Variants in TTLL3 observed in about 807,000 individuals in gnomAD.
TTLL3 encodes the protein tubulin monoglycylase TTLL3.
A neutral mutation model predicts 75.2 loss-of-function variants in TTLL3; 63 were observed. The observed-to-expected ratio is 0.84, with a 90% CI of 0.68 to 1.03. The LOEUF is 1.03. Ranked by LOEUF, TTLL3 falls within the 50% of genes least tolerant of loss-of-function variation. The pLI is 0.00. For synonymous variants in TTLL3, 393 were observed against 418.5 expected (o/e 0.94, Z 0.74); for missense variants, 997 against 1,069.9 (o/e 0.93, Z 0.95).
At chr3:9,830,286 A>G (rs1390324877) in intron 11 of TTLL3, among the ~76,000 whole-genome samples, 5 of 152,248 alleles carry the variant, frequency 3.3e-5, no homozygotes, top group Non-Finnish European at 7.3e-5. Context: ...AATTACTGGT[A>G]GCTACTATTA....
At chr3:9,819,234 C>T in intron 7 of TTLL3, 1 of 358,618 alleles carries the variant, frequency 2.8e-6, no homozygotes, top group Non-Finnish European at 5.2e-6. Flanking sequence ...TACTCCCCAT[C>T]CATCTATCCA....
chr3:9,829,113 C>T lies in TTLL3; in HGVS notation c.1401C>T (p.Ile467=), dbSNP rs1026931471. The T allele has an allele frequency of 2.5e-5, 41 of 1,614,132 alleles. No homozygotes were observed. The highest frequency in any genetic ancestry group is 6.7e-5 in the East Asian group (3 of 44,898). Residue 467 remains isoleucine, a synonymous_variant, in exon 11 of 14, where the codon ATC becomes ATT. Coordinates refer to ENST00000685419, the MANE Select transcript of TTLL3 (RefSeq NM_001387446.1). ...CCCCAAATGCTTGGTCCACCATCAT[C>T]GTGCCTGGCATGAAGGATGCTGTGA... The part of the protein sequence containing the change: ...MGAPNAWSTI[I]VPGMKDAVIH...
chr3:9,832,569 G>A (rs763467172), intron 11 of TTLL3, among the ~76,000 whole-genome samples: 1 of 152,182 alleles, frequency 6.6e-6, no homozygotes, highest in South Asian at 2.1e-4. Context: ...ACTGAGAGTT[G>A]TAAGGGAGTC....
At position 9,833,322 on chromosome 3, in the gene TTLL3, G is replaced by A. The variant is rs772416077; in HGVS notation, c.1825+77G>A. On this transcript the variant is annotated intron_variant, in intron 12 of 13. Coordinates refer to ENST00000685419, the MANE Select transcript of TTLL3 (RefSeq NM_001387446.1). ...GGGCCAGGAGCCTGGGGCACAGTGA[G>A]AAGCCAGTCTCCACTGCCACCACTT... The A allele has an allele frequency of 5.1e-4, 787 of 1,551,494 alleles. No individual in the cohort carries two copies. The Admixed American group carries it at 5.6e-3, about 11-fold the overall frequency.
chr3:9,820,125 G>A (rs1156790585), intron 7 of TTLL3: 5 of 1,002,762 alleles, frequency 5.0e-6, no homozygotes, highest in Admixed American at 5.5e-5. Flanking sequence ...GATTCTGGGA[G>A]TGGGTCTGGA....
intron 2 of TTLL3, among the ~76,000 whole-genome samples, chr3:9,811,057 C>T (rs2079306338): frequency 6.6e-6 from 1 of 152,114 alleles, no homozygotes; most frequent in South Asian, 2.1e-4. Context: ...TCTGACTGCA[C>T]GCTCCTAGTT....
At chr3:9,819,343 C>T (rs2080197909) in intron 7 of TTLL3, 4 of 236,258 alleles carry the variant, frequency 1.7e-5, no homozygotes, top group Non-Finnish European at 3.0e-5. Flanking sequence ...AGGCCATCCA[C>T]TCATCCATTC....
At chr3:9,811,136 C>T (rs1410793473) in intron 2 of TTLL3, among the ~76,000 whole-genome samples, 4 of 152,240 alleles carry the variant, frequency 2.6e-5, no homozygotes, top group Non-Finnish European at 5.9e-5. Context: ...TAGTGGCCCC[C>T]TGGCCCCTTC....
chr3:9,825,821 C>T lies in TTLL3; in HGVS notation c.876C>T (p.His292=). Residue 292 remains histidine, a synonymous_variant, in exon 9 of 14, where the codon CAC becomes CAT. Transcript: ENST00000685419. ...ACAGCGAAGGGGCAGAACTCAGGCA[C>T]CTCGACACTCAGGTCCAGCGCTGTG... is the stretch of plus-strand genomic sequence containing the variant. The part of the protein sequence containing the change: ...QVVHEGAELR[H]LDTQVQRCED... The T allele has an allele frequency of 1.9e-6, 3 of 1,614,152 alleles. No homozygotes were observed. The highest frequency in any genetic ancestry group is 2.5e-6 in the Non-Finnish European group (3 of 1,180,030).
intron 4 of TTLL3, among the ~76,000 whole-genome samples, chr3:9,813,651 G>T (rs1314201529): frequency 6.6e-6 from 1 of 152,054 alleles, no homozygotes; most frequent in Non-Finnish European, 1.5e-5. Context: ...CGGGTGTGGT[G>T]GCATGTACCT....
rs1260142239 is a variant in TTLL3 at position 9,834,725 on chromosome 3, T to C, written c.1870T>C (p.Ser624Pro). 2.5e-6 allele frequency: 4 copies of C among 1,613,930 alleles called. No homozygotes were observed. Among genetic ancestry groups the C allele is most frequent in the Admixed American group, 3.3e-5 (2 of 60,004 alleles). The change falls in exon 13 of 14, where the codon TCT becomes CCT. Residue 624 changes from serine to proline, a missense_variant. Coordinates refer to ENST00000685419, the MANE Select transcript of TTLL3 (RefSeq NM_001387446.1). ...PSLHTKAQLP[S>P]PHVLRHQGQV... ...CCTCCACACCAAGGCCCAGCTGCCT[T>C]CTCCCCATGTACTCCGACACCAGGG...
intron 13 of TTLL3, 39 bp from the exon 14 acceptor site, chr3:9,835,055 T>C: frequency 6.3e-7 from 1 of 1,589,226 alleles, no homozygotes; most frequent in African/African-American, 1.3e-5. Flanking sequence ...TCCACAGACT[T>C]CTGATCATCT....
chr3:9,828,326 T>G (rs2081243869), intron 10 of TTLL3: 1 of 152,190 alleles, frequency 6.6e-6, no homozygotes, highest in South Asian at 2.1e-4. Context: ...GTTGTTTGAA[T>G]CTGGTCATGT....
chr3:9,835,073 C>T, intron 13 of TTLL3, 21 bp from the exon 14 acceptor site: 7 of 1,595,000 alleles, frequency 4.4e-6, no homozygotes, highest in Non-Finnish European at 5.1e-6. Flanking sequence ...TCTCCCTCTT[C>T]TCCCCTCCTT....
intron 7 of TTLL3, chr3:9,819,971 G>A (rs1178259864): frequency 8.1e-6 from 8 of 986,610 alleles, no homozygotes; most frequent in Non-Finnish European, 9.6e-6. Flanking sequence ...GATGTTCAGG[G>A]GTGAGTCAGG....
chr3:9,826,012 A>G, intron 9 of TTLL3, 64 bp downstream of exon 9: 3 of 1,579,854 alleles, frequency 1.9e-6, no homozygotes, highest in Non-Finnish European at 2.6e-6. Flanking sequence ...GTAGAGGCCA[A>G]GGAAGTTAAT....
At chr3:9,825,987 C>A (rs746353744) in intron 9 of TTLL3, 39 bp downstream of exon 9, 2 of 1,602,840 alleles carry the variant, frequency 1.2e-6, no homozygotes, top group South Asian at 1.1e-5. Flanking sequence ...GGCACCTCAC[C>A]ACCTGCATCT....
At position 9,813,034 on chromosome 3, in the gene TTLL3, G is replaced by A. The variant is rs752644960; in HGVS notation, c.140G>A (p.Arg47His). The change falls in exon 3 of 14, where the codon CGC (arginine) becomes CAC (histidine). Residue 47 changes from arginine to histidine, a missense_variant. Coordinates refer to ENST00000685419, the MANE Select transcript of TTLL3 (RefSeq NM_001387446.1). Reference protein sequence around the residue: ...RGWVEKKMVHRSGPTLLPPQK... With the variant: ...RGWVEKKMVHHSGPTLLPPQK... ...TGGGTGGAGAAGAAGATGGTCCATC[G>A]CTCAGGCCCCACCCTGCTGCCACCC... 1.1e-5 allele frequency: 17 copies of A among 1,588,588 alleles called. No individual in the cohort carries two copies. Among genetic ancestry groups the A allele is most frequent in the Non-Finnish European group, 1.3e-5 (15 of 1,165,342 alleles).
rs1453607416 is a variant in TTLL3, at chr3:9,835,316, G to C, written c.2275G>C (p.Gly759Arg). The change falls in exon 14 of 14, where the codon GGG becomes CGG. Residue 759 changes from glycine (G) to arginine (R), a missense_variant. Physicochemically the swap from Gly to Arg is moderately radical, Grantham distance 125. Coordinates refer to ENST00000685419, the MANE Select transcript of TTLL3 (RefSeq NM_001387446.1). ...TACATTCCAGAGGCGCAGGGGCCTG[G>C]GGGATATGAAGCTAGGGAAGCCCCT... is the stretch of plus-strand genomic sequence containing the variant. ...VGTFQRRRGL[G>R]DMKLGKPLLR... 1 of 1,614,210 alleles carries C rather than the reference G, an allele frequency of 6.2e-7. No individual in the cohort carries two copies. The highest frequency in any genetic ancestry group is 1.7e-5 in the Admixed American group (1 of 60,026).
Sources: allele counts gnomAD v4.1 joint callset (sites outside exome capture counted in the v4.1 genomes callset), GRCh38; gene constraint gnomAD v4.1.1; transcripts MANE v1.5; gene names NCBI Gene and HGNC (gene_info 2026-07-23, HGNC 2026-07-21).